Variants in FOCAD observed in about 807,000 individuals in gnomAD.
The protein encoded by FOCAD is KIAA1797.
A neutral mutation model predicts 225.6 loss-of-function variants in FOCAD; 198 were observed. The observed-to-expected ratio is 0.88, with a 90% CI of 0.78 to 0.99. The LOEUF (loss-of-function observed/expected upper bound fraction) is 0.99, where lower values mean the gene tolerates loss of function less well. Ranked by LOEUF, FOCAD falls within the 50% of genes least tolerant of loss-of-function variation. The pLI, the probability that FOCAD is intolerant of heterozygous loss-of-function variation, is 0.00. For synonymous variants in FOCAD, 897 were observed against 755.0 expected (o/e 1.19, Z -3.08); for missense variants, 2,713 against 2,123.6 (o/e 1.28, Z -5.46).
At position 20,933,018 on chromosome 9, in the gene FOCAD, A is replaced by T; in HGVS notation, c.3322A>T (p.Ile1108Leu). 6.2e-7 allele frequency: 1 copy of T among 1,612,620 alleles called. No homozygotes were observed. The highest frequency in any genetic ancestry group is 1.1e-5 in the South Asian group (1 of 91,052). The change falls in exon 28 of 44, where the codon ATA (isoleucine) becomes TTA (leucine). Residue 1108 changes from isoleucine (I) to leucine (L), a missense_variant. By Grantham distance (5) the Ile-to-Leu change is conservative (BLOSUM62 2). Coordinates refer to ENST00000338382, the MANE Select transcript of FOCAD (RefSeq NM_001375567.1). ...SRLCEEKLSDISGQEMNLLLM... is the reference protein window; with the variant it reads ...SRLCEEKLSDLSGQEMNLLLM... ...TTCCCCTTGATCTTTAACCAGTGAT[A>T]TATCTGGCCAAGAGATGAACCTTCT... is the stretch of plus-strand genomic sequence containing the variant.
chr9:20,759,895 A>G (rs1033416046), intron 6 of FOCAD, among the ~76,000 whole-genome samples: 1 of 152,196 alleles, frequency 6.6e-6, no homozygotes, highest in East Asian at 1.9e-4. Context: ...CCATTAGAAA[A>G]CTGCCATTTG....
chr9:20,948,544 C>G (rs946936899), intron 31 of FOCAD, 151 bp downstream of exon 31: 2 of 891,804 alleles, frequency 2.2e-6, no homozygotes, highest in African/African-American at 3.4e-5. Context: ...TTTTAAATCC[C>G]TTATAAATAA....
chr9:20,707,371 AAT>A (rs1824477066), intron 1 of FOCAD, among the ~76,000 whole-genome samples: 1 of 149,574 alleles, frequency 6.7e-6, no homozygotes, highest in Non-Finnish European at 1.5e-5. Flanking sequence ...GAAAACTTTC[AAT>A]TTTTATGAAT....
At chr9:20,842,023 C>T (rs763145996) in intron 15 of FOCAD, among the ~76,000 whole-genome samples, 15 of 151,894 alleles carry the variant, frequency 9.9e-5, no homozygotes, top group South Asian at 4.2e-4. Context: ...TGGTCATTTA[C>T]GAGCATATTG....
chr9:20,988,438 T>C lies in FOCAD; in HGVS notation c.5004+9T>C, dbSNP rs1383315551. 6.8e-7 allele frequency: 1 copy of C among 1,478,826 alleles called. No individual in the cohort carries two copies. The highest frequency in any genetic ancestry group is 1.8e-5 in the Admixed American group (1 of 56,806). The allele number at this position is 1,478,826 out of a possible 1,614,324, so 91.6% of individuals were successfully genotyped here. A position where few individuals can be genotyped will look rare whatever the true frequency, so the allele number is the denominator to read the frequency against. On this transcript the variant is annotated intron_variant, in intron 41 of 43. Coordinates refer to ENST00000338382, the MANE Select transcript of FOCAD (RefSeq NM_001375567.1). The stretch of plus-strand genomic sequence containing the variant: ...ATACGGCTCTTGACAAGGTAAAATC[T>C]AGAGGAGTAGTTTATAGCTTCCTTA...
intron 39 of FOCAD, 141 bp from the exon 40 acceptor site, chr9:20,986,147 G>C: frequency 1.4e-6 from 1 of 708,536 alleles, no homozygotes. Flanking sequence ...TAGCACACAG[G>C]CAGATGGGTC....
intron 1 of FOCAD, among the ~76,000 whole-genome samples, chr9:20,705,333 A>G (rs1273708025): frequency 1.3e-5 from 2 of 152,186 alleles, no homozygotes; most frequent in African/African-American, 2.4e-5. Context: ...TATTTTATAG[A>G]AAATCCCAAA....
chr9:20,709,677 T>C (rs1291089284), intron 1 of FOCAD, among the ~76,000 whole-genome samples: 1 of 152,220 alleles, frequency 6.6e-6, no homozygotes, highest in Non-Finnish European at 1.5e-5. Context: ...TGAAAGACAC[T>C]TGCAATTTGT....
At chr9:20,895,016 G>A (rs1263979738) in intron 21 of FOCAD, among the ~76,000 whole-genome samples, 1 of 151,966 alleles carries the variant, frequency 6.6e-6, no homozygotes, top group East Asian at 1.9e-4. Flanking sequence ...TGTAAAGTCA[G>A]GGTCTAGATT....
At chr9:20,977,445 C>T (rs909867003) in intron 36 of FOCAD, among the ~76,000 whole-genome samples, 1 of 152,164 alleles carries the variant, frequency 6.6e-6, no homozygotes, top group Non-Finnish European at 1.5e-5. Context: ...CCAGTTCATC[C>T]ACAGCAACCT....
At chr9:20,673,588 CTTAA>C (rs963128635) in intron 2 of FOCAD, among the ~76,000 whole-genome samples, 1 of 151,952 alleles carries the variant, frequency 6.6e-6, no homozygotes, top group African/African-American at 2.4e-5. Context: ...TTTAATTATA[CTTAA>C]TTAATTATTA....
intron 24 of FOCAD, among the ~76,000 whole-genome samples, chr9:20,921,631 A>G (rs933815869): frequency 2.0e-5 from 3 of 152,176 alleles, no homozygotes; most frequent in African/African-American, 4.8e-5. Flanking sequence ...GCTGCACTGT[A>G]TAGAGTGGAC....
At chr9:20,980,061 C>T (rs768137071) in intron 37 of FOCAD, among the ~76,000 whole-genome samples, 13 of 152,078 alleles carry the variant, frequency 8.5e-5, no homozygotes, top group Non-Finnish European at 1.8e-4. Context: ...ACCCAAGCCA[C>T]CACCAATCTG....
intron 5 of FOCAD, among the ~76,000 whole-genome samples, chr9:20,742,805 T>G (rs758208058): frequency 6.6e-6 from 1 of 152,174 alleles, no homozygotes; most frequent in Non-Finnish European, 1.5e-5. Context: ...AGGCAATTGC[T>G]GCAAGGTGTG....
At chr9:20,678,030 C>G (rs1587199456) in intron 2 of FOCAD, among the ~76,000 whole-genome samples, 2 of 152,298 alleles carry the variant, frequency 1.3e-5, no homozygotes, top group East Asian at 3.9e-4. Flanking sequence ...ATTGAATCCT[C>G]TCAGCACCTC....
chr9:20,719,974 G>A (rs1306663479), intron 3 of FOCAD, among the ~76,000 whole-genome samples: 1 of 151,950 alleles, frequency 6.6e-6, no homozygotes, highest in Admixed American at 6.6e-5. Flanking sequence ...GAAAATAACT[G>A]TTATTGTCAT....
chr9:20,995,514 G>T (rs1841993876), intron 43 of FOCAD, 42 bp from the exon 44 acceptor site: 2 of 1,528,320 alleles, frequency 1.3e-6, no homozygotes, highest in South Asian at 2.2e-5. Context: ...TGATCAAAAT[G>T]ACCTTTTCAA....
intron 24 of FOCAD, among the ~76,000 whole-genome samples, chr9:20,919,631 A>G (rs1834201868): frequency 6.6e-6 from 1 of 152,232 alleles, no homozygotes; most frequent in African/African-American, 2.4e-5. Flanking sequence ...CCAACGGAAC[A>G]GAACAGAGCT....
chr9:20,928,557 T>G (rs1393692752), intron 26 of FOCAD, among the ~76,000 whole-genome samples: 2 of 152,224 alleles, frequency 1.3e-5, no homozygotes, highest in African/African-American at 4.8e-5. Flanking sequence ...TATTTATAAA[T>G]GTATATAACG....
Sources: allele counts gnomAD v4.1 joint callset (sites outside exome capture counted in the v4.1 genomes callset), GRCh38; gene constraint gnomAD v4.1.1; transcripts MANE v1.5; gene names NCBI Gene and HGNC (gene_info 2026-07-23, HGNC 2026-07-21).